Variants in TAF1 observed in about 807,000 individuals in gnomAD.
TAF1 encodes the protein TATA-box binding protein associated factor 1.
In TAF1, 2 loss-of-function variants were observed where a neutral mutation model predicts 138.5. The observed-to-expected ratio is 0.01, with a 90% CI of 0.01 to 0.05. The LOEUF (loss-of-function observed/expected upper bound fraction) is 0.05. TAF1 is among the 10% of genes least tolerant of loss of function. TAF1 has a pLI of 1.00. For missense variants in TAF1, 709 were observed against 1,478.0 expected, an observed-to-expected ratio of 0.48 and a Z score of 8.53; for synonymous variants, 437 against 503.2, an observed-to-expected ratio of 0.87 and a Z score of 1.76.
At chrX:71,517,325 C>A (rs1569415438) in intron 13 of TAF1, among the ~76,000 whole-genome samples, 2 of 111,415 alleles carry the variant, frequency 1.8e-5, no homozygotes, top group African/African-American at 3.3e-5. Context: ...TTAAAAATAG[C>A]TAAAAGAATA....
intron 13 of TAF1, among the ~76,000 whole-genome samples, chrX:71,524,549 A>G (rs2039960912): frequency 1.8e-5 from 2 of 110,496 alleles, no homozygotes; most frequent in African/African-American, 6.6e-5. Flanking sequence ...TCTGATCTCA[A>G]AAAACAGAGA....
chrX:71,411,752 GTTTT>G (rs1293290545), intron 28 of TAF1, among the ~76,000 whole-genome samples: 3 of 111,967 alleles, frequency 2.7e-5, no homozygotes, highest in Non-Finnish European at 5.6e-5. Flanking sequence ...AAGTGGTCAG[GTTTT>G]TTGTTTGTTT....
chrX:71,384,289 A>G (rs2034079097), intron 13 of TAF1, among the ~76,000 whole-genome samples, 154 bp downstream of exon 13: 2 of 112,236 alleles, frequency 1.8e-5, no homozygotes, highest in Middle Eastern at 4.2e-3. Context: ...AGCTGTAGTT[A>G]GAGATCTACT....
At chrX:71,390,432 G>T (rs1311157201) in intron 18 of TAF1, among the ~76,000 whole-genome samples, 3 of 111,728 alleles carry the variant, frequency 2.7e-5, no homozygotes, top group African/African-American at 9.8e-5. Context: ...TATTTTCTCT[G>T]GGAAGCTTTC....
At chrX:71,420,328 A>T in intron 28 of TAF1, 1 of 1,184,442 alleles carries the variant, frequency 8.4e-7, no homozygotes, top group South Asian at 1.8e-5. Context: ...GTCCTCACTG[A>T]CTCTTTGTCT....
chrX:71,443,349 T>G (rs1569353381), intron 32 of TAF1, among the ~76,000 whole-genome samples: 1 of 111,912 alleles, frequency 8.9e-6, no homozygotes, highest in Non-Finnish European at 1.9e-5. Context: ...AGCAGTGGTT[T>G]GTAGTTCTCC....
At chrX:71,404,842 A>G (rs1416062322) in intron 25 of TAF1, among the ~76,000 whole-genome samples, 1 of 110,968 alleles carries the variant, frequency 9.0e-6, no homozygotes, top group African/African-American at 3.3e-5. Flanking sequence ...CAGAATTACT[A>G]TAATAATACC....
chrX:71,511,344 G>A (rs2039728355), intron 13 of TAF1, among the ~76,000 whole-genome samples: 1 of 112,093 alleles, frequency 8.9e-6, no homozygotes, highest in African/African-American at 3.2e-5. Flanking sequence ...AGGACCACTG[G>A]ATCACTATGT....
intron 24 of TAF1, among the ~76,000 whole-genome samples, chrX:71,400,752 T>G (rs2035134762): frequency 8.9e-6 from 1 of 112,558 alleles, no homozygotes; most frequent in Admixed American, 9.5e-5. Flanking sequence ...GGGAAGCACT[T>G]TATAAACTAT....
In TAF1 at chrX:71,388,834, A is replaced by G; in HGVS notation, c.2666A>G (p.Tyr889Cys). Residue 889 changes from tyrosine to cysteine, a missense_variant, in exon 17 of 38, where the codon TAT (tyrosine) becomes TGT (cysteine). Around this residue, in one of 14 missense-constraint regions of TAF1, gnomAD observed 23 missense variants for 24.4 expected, o/e 0.94. Transcript: ENST00000423759. ...AMVSPEQCCA[Y>C]YSMIAAEQRL... Reference sequence around the variant, plus strand: ...GTGTCACCAGAGCAGTGCTGTGCTTATTATAGCATGATAGCTGCAGAGCAA... The same window carrying G: ...GTGTCACCAGAGCAGTGCTGTGCTTGTTATAGCATGATAGCTGCAGAGCAA... 1 of 1,210,454 alleles carries G rather than the reference A, an allele frequency of 8.3e-7. No individual in the cohort carries two copies. The highest frequency in any genetic ancestry group is 1.1e-6 in the Non-Finnish European group (1 of 894,697).
At chrX:71,482,272 G>T (rs1430452529) in intron 13 of TAF1, among the ~76,000 whole-genome samples, 1 of 112,403 alleles carries the variant, frequency 8.9e-6, no homozygotes, top group African/African-American at 3.2e-5. Context: ...CAGCTTTAAG[G>T]TTGTACAATT....
At chrX:71,371,389 GTA>G (rs2033044606) in intron 3 of TAF1, among the ~76,000 whole-genome samples, 1 of 111,543 alleles carries the variant, frequency 9.0e-6, no homozygotes, top group African/African-American at 3.3e-5. Context: ...TGAATTTTGA[GTA>G]AAATTTTGAA....
At chrX:71,412,155 C>CA (rs1438042020) in intron 28 of TAF1, among the ~76,000 whole-genome samples, 1 of 99,064 alleles carries the variant, frequency 1.0e-5, no homozygotes, top group Non-Finnish European at 2.0e-5. Flanking sequence ...GACAGGGTCT[C>CA]ACTGTGTTTT....
chrX:71,396,242 C>G (rs1158233565), intron 22 of TAF1, among the ~76,000 whole-genome samples: 1 of 107,869 alleles, frequency 9.3e-6, no homozygotes, highest in Admixed American at 1.0e-4. Context: ...CTTTAAGACT[C>G]GGAACTTGTT....
At chrX:71,439,969 C>T (rs939242703) in intron 32 of TAF1, among the ~76,000 whole-genome samples, 3 of 111,324 alleles carry the variant, frequency 2.7e-5, no homozygotes. Context: ...AAAATCTATT[C>T]ATTTGTGCAT....
At chrX:71,404,617 A>G (rs1328033924) in intron 25 of TAF1, among the ~76,000 whole-genome samples, 2 of 111,802 alleles carry the variant, frequency 1.8e-5, no homozygotes, top group Non-Finnish European at 3.8e-5. Context: ...GATTATAGAC[A>G]TGAGCTACCA....
chrX:71,458,097 C>A, intron 34 of TAF1, 144 bp from the exon 35 acceptor site: 1 of 796,248 alleles, frequency 1.3e-6, no homozygotes, highest in Non-Finnish European at 1.8e-6. Context: ...AAAAACTTGT[C>A]TGTAAAGCTG....
Position 71,398,644 on chromosome X carries a change from A to G in TAF1, c.3693A>G (p.Gln1231=). 1 of 1,211,686 alleles carries G rather than the reference A, an allele frequency of 8.3e-7. No homozygotes were observed. Residue 1231 remains glutamine, a synonymous_variant, in exon 24 of 38, where the codon CAA becomes CAG. Coordinates refer to ENST00000423759, the MANE Select transcript of TAF1 (RefSeq NM_004606.5). ...MRKERRRIQE[Q]LRRLKRNQEK... is the part of the protein sequence containing the mutation. ...AAGAACGGCGGAGGATTCAAGAGCA[A>G]CTGAGGCGGCTTAAGAGGAACCAGG...
intron 2 of TAF1, 80 bp downstream of exon 2, chrX:71,367,693 C>CG: frequency 2.2e-5 from 23 of 1,065,490 alleles, no homozygotes; most frequent in Non-Finnish European, 2.8e-5. Context: ...GTGTGTAAGA[C>CG]GGAGTTTCGC....
Sources: gnomAD v4.1 joint callset for allele counts (sites outside exome capture counted in the v4.1 genomes callset) on GRCh38, gnomAD v4.1.1 for gene constraint, gnomAD v4.1.1 regional missense constraint, MANE v1.5 for transcripts, NCBI Gene and HGNC (gene_info 2026-07-23, HGNC 2026-07-21) for gene names.